NGLY1: variants seen among roughly 807,000 people sequenced by gnomAD.
NGLY1 encodes N-glycanase 1.
Under a neutral mutation model 84.6 loss-of-function variants are expected in NGLY1, and 68 were observed. The observed-to-expected ratio is 0.80, with a 90% confidence interval of 0.66 to 0.98. The LOEUF is 0.98. Ranked by LOEUF, NGLY1 falls within the 50% of genes least tolerant of loss-of-function variation. The probability of loss-of-function intolerance (pLI) is 0.00; values close to 1 mark genes in which losing one functional copy is unlikely to be tolerated. For missense variants in NGLY1, 779 were observed against 770.2 expected, an observed-to-expected ratio of 1.01 and a Z score of -0.14; for synonymous variants, 280 against 275.2, an observed-to-expected ratio of 1.02 and a Z score of -0.17.
At chr3:25,784,219 A>G (rs550315633), upstream of NGLY1, 3 of 152,312 alleles carry the variant, frequency 2.0e-5, no homozygotes, top group Admixed American at 2.0e-4. Context: ...GTTCCAGCTC[A>G]ACTAGTATAT....
chr3:25,772,681 T>G (rs1377422838), intron 2 of NGLY1, among the ~76,000 whole-genome samples: 1 of 117,526 alleles, frequency 8.5e-6, no homozygotes. Context: ...CTAGTTGTTG[T>G]GTGAATACTT....
intron 10 of NGLY1, among the ~76,000 whole-genome samples, chr3:25,724,858 G>C (rs903183610): frequency 2.0e-5 from 3 of 152,132 alleles, no homozygotes; most frequent in Admixed American, 6.5e-5. Context: ...GACTCAGTGT[G>C]ATATTATGAT....
intron 10 of NGLY1, among the ~76,000 whole-genome samples, chr3:25,723,214 T>C (rs1705093375): frequency 6.6e-6 from 1 of 152,208 alleles, no homozygotes; most frequent in South Asian, 2.1e-4. Context: ...AGGTTTATAG[T>C]AGCTGTTGAA....
chr3:25,743,626 A>G (rs1002803179), intron 4 of NGLY1, among the ~76,000 whole-genome samples: 6 of 152,234 alleles, frequency 3.9e-5, no homozygotes, highest in African/African-American at 1.4e-4. Flanking sequence ...GTTCACTGCT[A>G]TATCCCCAAC....
rs773758861 is a variant in NGLY1, at chr3:25,735,985, T to A, written c.1149+19A>T. On this transcript the variant is annotated intron_variant, in intron 7 of 11. Coordinates refer to ENST00000280700, the MANE Select transcript of NGLY1 (RefSeq NM_018297.4). ...TATATTTTACTTTTGGAAAAAAGTT[T>A]TTTTCTTTTATGCTCTACCTCATCT... 9 of 1,567,292 alleles carry A rather than the reference T, an allele frequency of 5.7e-6. No individual in the cohort carries two copies. In the African/African-American group the frequency reaches 1.1e-4, roughly 19 times the overall value.
At chr3:25,721,770 A>G (rs868068878) in intron 10 of NGLY1, among the ~76,000 whole-genome samples, 30 of 150,710 alleles carry the variant, frequency 2.0e-4, no homozygotes, top group East Asian at 3.9e-4. Context: ...AAAAAAAAAA[A>G]AAAAGAAAAG....
At chr3:25,723,358 A>G in intron 10 of NGLY1, among the ~76,000 whole-genome samples, 1 of 152,244 alleles carries the variant, frequency 6.6e-6, no homozygotes, top group East Asian at 1.9e-4. Flanking sequence ...ATTCAAACAT[A>G]CTATGAGCAA....
chr3:25,751,158 C>A lies in NGLY1; in HGVS notation c.598G>T (p.Val200Phe). ...LQEKALACIP[V>F]QELKRKSQEK... is the part of the protein sequence containing the mutation. ...TGTGATTTCCTTTTTAGTTCTTGGACCGGAATACAAGCCAACGCTTTCTCC... is the reference window on the plus strand; with the variant it reads ...TGTGATTTCCTTTTTAGTTCTTGGAACGGAATACAAGCCAACGCTTTCTCC... Residue 200 changes from valine to phenylalanine, a missense_variant, in exon 4 of 12, where the codon GTC (valine) becomes TTC (phenylalanine). Transcript: ENST00000280700. 1 of 1,613,628 alleles carries A rather than the reference C, an allele frequency of 6.2e-7. No homozygotes were observed. The highest frequency in any genetic ancestry group is 8.5e-7 in the Non-Finnish European group (1 of 1,179,822).
intron 4 of NGLY1, chr3:25,749,621 G>A: frequency 2.1e-6 from 3 of 1,461,924 alleles, no homozygotes; most frequent in East Asian, 2.3e-5. Flanking sequence ...TGACGACAGG[G>A]TTCATAGAAG....
intron 7 of NGLY1, 145 bp from the exon 8 acceptor site, chr3:25,734,127 C>T (rs549876252): frequency 1.6e-5 from 17 of 1,096,598 alleles, no homozygotes; most frequent in East Asian, 1.1e-4. Context: ...AGTGCAGTGG[C>T]GTGATCTCAG....
At chr3:25,753,336 T>C (rs1284597426) in intron 3 of NGLY1, among the ~76,000 whole-genome samples, 1 of 152,198 alleles carries the variant, frequency 6.6e-6, no homozygotes, top group African/African-American at 2.4e-5. Context: ...AAAATAAATA[T>C]ATTTTCTGAT....
chr3:25,786,838 GCACAAAA>G (rs1320448502), upstream of NGLY1, among the ~76,000 whole-genome samples: 6 of 152,162 alleles, frequency 3.9e-5, no homozygotes, highest in African/African-American at 1.4e-4. Context: ...GGTGAGAAAT[GCACAAAA>G]AGTGCATGTG....
chr3:25,739,112 T>C (rs560696642), intron 5 of NGLY1, among the ~76,000 whole-genome samples: 1 of 152,174 alleles, frequency 6.6e-6, no homozygotes, highest in South Asian at 2.1e-4. Flanking sequence ...GATGATAATA[T>C]GGAAGGTAAA....
intron 3 of NGLY1, among the ~76,000 whole-genome samples, chr3:25,758,702 G>A (rs1335232318): frequency 6.6e-6 from 1 of 152,038 alleles, no homozygotes; most frequent in African/African-American, 2.4e-5. Context: ...ATAAACAAAT[G>A]AACAAAAATA....
At chr3:25,759,862 C>T (rs58935410) in intron 3 of NGLY1, among the ~76,000 whole-genome samples, 1 of 151,162 alleles carries the variant, frequency 6.6e-6, no homozygotes, top group Non-Finnish European at 1.5e-5. Flanking sequence ...TTTGTCAAAT[C>T]GTGGTAATTA....
chr3:25,737,363 A>C lies in NGLY1; in HGVS notation c.974T>G (p.Phe325Cys). 1 of 1,613,680 alleles carries C rather than the reference A, an allele frequency of 6.2e-7. No homozygotes were observed. Among genetic ancestry groups the C allele is most frequent in the South Asian group, 1.1e-5 (1 of 90,982 alleles). Reference protein sequence around the residue: ...CFTLCCRAVGFEARYVWDYTD... With the variant: ...CFTLCCRAVGCEARYVWDYTD... ...GTAATCCCAAACATAGCGAGCTTCA[A>C]ACCCTACAGCTCGGCAGCACAGTGT... is the stretch of plus-strand genomic sequence containing the variant. The change falls in exon 6 of 12, where the codon TTT becomes TGT. Residue 325 changes from phenylalanine to cysteine, a missense_variant. By Grantham distance (205) the Phe-to-Cys change is radical. Coordinates refer to ENST00000280700, the MANE Select transcript of NGLY1 (RefSeq NM_018297.4).
chr3:25,762,514 C>T (rs2125542486), intron 3 of NGLY1, among the ~76,000 whole-genome samples: 1 of 152,214 alleles, frequency 6.6e-6, no homozygotes, highest in South Asian at 2.1e-4. Context: ...ATAGCATACA[C>T]CTTTGAGAAA....
chr3:25,772,692 TG>T (rs1003155037), intron 2 of NGLY1, among the ~76,000 whole-genome samples: 1 of 71,412 alleles, frequency 1.4e-5, no homozygotes, highest in African/African-American at 2.7e-5. Context: ...GTGAATACTT[TG>T]TTTTTTTTTC....
intron 7 of NGLY1, chr3:25,735,405 T>C (rs1258294570): frequency 9.9e-5 from 15 of 152,072 alleles, no homozygotes; most frequent in African/African-American, 3.6e-4. Flanking sequence ...AGGGGACATA[T>C]GGATGGTAAG....
Sources: gnomAD v4.1 joint callset for allele counts (sites outside exome capture counted in the v4.1 genomes callset) on GRCh38, gnomAD v4.1.1 for gene constraint, MANE v1.5 for transcripts, NCBI Gene and HGNC (gene_info 2026-07-23, HGNC 2026-07-21) for gene names.